Variants in GORAB observed in about 807,000 individuals in gnomAD.
The protein encoded by GORAB is RAB6-interacting golgin.
Under a neutral mutation model 29.9 loss-of-function variants are expected in GORAB, and 17 were observed. That is an observed-to-expected ratio of 0.57 (90% confidence interval 0.39 to 0.85). The LOEUF (loss-of-function observed/expected upper bound fraction) is 0.85. GORAB is among the 40% of genes least tolerant of loss of function. The probability of loss-of-function intolerance (pLI) is 0.00; values close to 1 mark genes in which losing one functional copy is unlikely to be tolerated. For synonymous variants in GORAB, 183 were observed against 157.2 expected, an observed-to-expected ratio of 1.16 and a Z score of -1.23; for missense variants, 442 against 437.8, an observed-to-expected ratio of 1.01 and a Z score of -0.09.
At position 170,539,349 on chromosome 1, in the gene GORAB, A is replaced by T. The variant is rs1036122529; in HGVS notation, c.201A>T (p.Ser67=). ...CATTACTTCCAGAGCAGCTGCTTTC[A>T]GCACCAAAACAGAGAGTTAACGTTC... ...STSLLPEQLL[S]APKQRVNVQK... is the part of the protein sequence containing the mutation. The change falls in exon 2 of 5, where the codon TCA becomes TCT. Residue 67 remains serine (S), a synonymous_variant. Coordinates refer to ENST00000367763, the MANE Select transcript of GORAB (RefSeq NM_152281.3). 4 of 1,614,192 alleles carry T rather than the reference A, an allele frequency of 2.5e-6. No individual in the cohort carries two copies. The African/African-American group carries it at 4.0e-5, about 16-fold the overall frequency.
intron 4 of GORAB, among the ~76,000 whole-genome samples, chr1:170,550,918 G>T (rs1033774843): frequency 2.0e-5 from 3 of 152,136 alleles, no homozygotes; most frequent in Non-Finnish European, 1.5e-5. Context: ...ATTAAGACAC[G>T]ATAACTCTTC....
In GORAB at chr1:170,553,343, A is replaced by G. The variant is rs1256518323; in HGVS notation, c.*881A>G. ...GTCATGAAGCGTTTAAATTGTTAAAATGCTGATTTTCTTATTAGTTTGTTA... is the reference window on the plus strand; with the variant it reads ...GTCATGAAGCGTTTAAATTGTTAAAGTGCTGATTTTCTTATTAGTTTGTTA... On this transcript the variant is annotated 3_prime_UTR_variant, in exon 5 of 5. Transcript: ENST00000367763. The G allele has an allele frequency of 4.4e-6, 2 of 452,864 alleles. No individual in the cohort carries two copies. Among genetic ancestry groups the G allele is most frequent in the Non-Finnish European group, 8.8e-6 (2 of 226,432 alleles). The allele number at this position is 452,864 out of a possible 1,614,324, so 28.1% of individuals were successfully genotyped here.
chr1:170,542,771 T>A (rs923530279), intron 3 of GORAB, among the ~76,000 whole-genome samples, 179 bp downstream of exon 3: 1 of 152,230 alleles, frequency 6.6e-6, no homozygotes. Flanking sequence ...TATAATTTAT[T>A]AAAGAGAACT....
At chr1:170,535,552 A>AT (rs1315697601) in intron 1 of GORAB, among the ~76,000 whole-genome samples, 1 of 151,940 alleles carries the variant, frequency 6.6e-6, no homozygotes, top group African/African-American at 2.4e-5. Context: ...AAAGTATTTT[A>AT]TTTTTTGAGA....
chr1:170,539,782 C>T (rs539442370), intron 2 of GORAB: 1 of 557,862 alleles, frequency 1.8e-6, no homozygotes, highest in East Asian at 3.2e-5. Flanking sequence ...CTTTAGTCTT[C>T]ATAACAGCCT....
chr1:170,549,754 A>G (rs1009950555), intron 4 of GORAB, among the ~76,000 whole-genome samples: 1 of 152,200 alleles, frequency 6.6e-6, no homozygotes, highest in African/African-American at 2.4e-5. Context: ...GGGTGCTCTC[A>G]TTTTTACATT....
rs1309563472 is a variant in GORAB, at chr1:170,553,007, T to A, written c.*545T>A. 1 of 453,400 alleles carries A rather than the reference T, an allele frequency of 2.2e-6. No homozygotes were observed. The highest frequency in any genetic ancestry group is 4.4e-6 in the Non-Finnish European group (1 of 226,616). 28.1% of individuals were successfully genotyped at this position (453,400 alleles called of 1,614,324 possible). A position where few individuals can be genotyped will look rare whatever the true frequency, so the allele number is the denominator to read the frequency against. On this transcript the variant is annotated 3_prime_UTR_variant, in exon 5 of 5. Transcript: ENST00000367763. ...CACAACTTGGAAACTGGAATTTATGTGAAGAACCAAACAACTTAAACCAGC... is the reference window on the plus strand; with the variant it reads ...CACAACTTGGAAACTGGAATTTATGAGAAGAACCAAACAACTTAAACCAGC...
At position 170,552,585 on chromosome 1, in the gene GORAB, T is replaced by G. The variant is rs765788571; in HGVS notation, c.*123T>G. ...TGCTGATTTTTGAATTCATGATTAG[T>G]TTTAGTAAATTAATAGGTTTGGCCA... is the stretch of plus-strand genomic sequence containing the variant. On this transcript the variant is annotated 3_prime_UTR_variant, in exon 5 of 5. Coordinates refer to ENST00000367763, the MANE Select transcript of GORAB (RefSeq NM_152281.3). 16 of 855,260 alleles carry G rather than the reference T, an allele frequency of 1.9e-5. No individual in the cohort carries two copies. The highest frequency in any genetic ancestry group is 2.9e-5 in the Non-Finnish European group (15 of 514,752). The allele number at this position is 855,260 out of a possible 1,614,324, so 53.0% of individuals were successfully genotyped here.
intron 1 of GORAB, chr1:170,532,768 G>T (rs1648782409): frequency 1.1e-5 from 2 of 186,804 alleles, no homozygotes; most frequent in Non-Finnish European, 2.3e-5. Context: ...AATTCATCTG[G>T]AGTGTTGCAT....
At position 170,539,231 on chromosome 1, in the gene GORAB, G is replaced by A. The variant is rs144383104; in HGVS notation, c.83G>A (p.Arg28His). ...ATAGATCCATTTGAACCACAGCGAC[G>A]TCTCCCCGCGAAGAAAAGTCGACAA... ...QTKDPFEPQR[R>H]LPAKKSRQQL... is the part of the protein sequence containing the mutation. The change falls in exon 2 of 5, where the codon CGT becomes CAT. Residue 28 changes from arginine to histidine, a missense_variant. Arg to His is a conservative substitution (Grantham distance 29). Transcript: ENST00000367763. The A allele has an allele frequency of 1.0e-4, 164 of 1,614,002 alleles. 3 individuals are homozygous for A. In the East Asian group the frequency reaches 1.2e-3, roughly 12 times the overall value.
At chr1:170,543,055 G>A (rs909409361) in intron 3 of GORAB, among the ~76,000 whole-genome samples, 7 of 152,114 alleles carry the variant, frequency 4.6e-5, no homozygotes, top group African/African-American at 1.2e-4. Flanking sequence ...AATTTGCCCC[G>A]CCTCCACAAG....
At chr1:170,537,412 T>TTG (rs1292421523) in intron 1 of GORAB, among the ~76,000 whole-genome samples, 11 of 152,186 alleles carry the variant, frequency 7.2e-5, no homozygotes, top group African/African-American at 2.4e-4. Flanking sequence ...ACAGTCAGCC[T>TTG]AGAGCCTTGA....
chr1:170,545,732 T>G (rs935468559), intron 4 of GORAB: 3 of 985,096 alleles, frequency 3.0e-6, no homozygotes, highest in Non-Finnish European at 3.6e-6. Context: ...ATATAACAAT[T>G]TATTAAAGCG....
intron 1 of GORAB, 28 bp downstream of exon 1, chr1:170,532,312 A>G: frequency 6.2e-7 from 1 of 1,612,402 alleles, no homozygotes; most frequent in South Asian, 1.1e-5. Flanking sequence ...CAGTGGTTTA[A>G]TTCTTGGGTC....
chr1:170,553,647 G>T lies in GORAB; in HGVS notation c.*1185G>T, dbSNP rs1471297538. ...GTTTGTTTGAGGGTATTATCTTCTG[G>T]TAATATAGATGAGCTTTATATTTTT... is the stretch of plus-strand genomic sequence containing the variant. On this transcript the variant is annotated 3_prime_UTR_variant, in exon 5 of 5. Coordinates refer to ENST00000367763, the MANE Select transcript of GORAB (RefSeq NM_152281.3). The T allele has an allele frequency of 1.8e-5, 8 of 451,984 alleles. No homozygotes were observed. The highest frequency in any genetic ancestry group is 3.5e-5 in the Non-Finnish European group (8 of 226,332). The allele number at this position is 451,984 out of a possible 1,614,324, so 28.0% of individuals were successfully genotyped here.
At chr1:170,545,318 T>C in intron 4 of GORAB, 1 of 976,122 alleles carries the variant, frequency 1.0e-6, no homozygotes. Context: ...GTTTAGTTTT[T>C]AAAAGCTTAT....
rs560891003 is a variant in GORAB, at chr1:170,539,703, T to C, written c.419+136T>C. 4.1e-5 allele frequency: 38 copies of C among 930,792 alleles called. 1 individual carries two copies. The South Asian group carries it at 6.3e-4, about 15-fold the overall frequency. The allele number at this position is 930,792 out of a possible 1,614,324, so 57.7% of individuals were successfully genotyped here. A position where few individuals can be genotyped will look rare whatever the true frequency, so the allele number is the denominator to read the frequency against. ...TTCATTCAATCATAGGAATGTGATG[T>C]ATAAACTATTGAAAAATAGCTACTG... On this transcript the variant is annotated intron_variant, in intron 2 of 4. Coordinates refer to ENST00000367763, the MANE Select transcript of GORAB (RefSeq NM_152281.3).
In GORAB at chr1:170,539,428, C is replaced by T. The variant is rs764152549; in HGVS notation, c.280C>T (p.Pro94Ser). Residue 94 changes from proline to serine, a missense_variant, in exon 2 of 5, where the codon CCC becomes TCC. By Grantham distance (74) the Pro-to-Ser change is moderately conservative. Transcript: ENST00000367763. ...TLPSHFTLTS[P>S]VGDGQPQGIE... is the part of the protein sequence containing the mutation. ...TCCGAGTCATTTCACTCTCACCTCCCCCGTTGGTGATGGACAACCACAGGG... is the reference window on the plus strand; with the variant it reads ...TCCGAGTCATTTCACTCTCACCTCCTCCGTTGGTGATGGACAACCACAGGG... 9.9e-6 allele frequency: 16 copies of T among 1,613,974 alleles called. No homozygotes were observed. The highest frequency in any genetic ancestry group is 1.4e-5 in the Non-Finnish European group (16 of 1,180,000).
In GORAB at chr1:170,552,540, T is replaced by TA. The variant is rs755326500; in HGVS notation, c.*83dup. 3 of 1,128,020 alleles carry TA rather than the reference T, an allele frequency of 2.7e-6. No individual in the cohort carries two copies. The highest frequency in any genetic ancestry group is 3.0e-5 in the African/African-American group (2 of 65,698). 69.9% of individuals were successfully genotyped at this position (1,128,020 alleles called of 1,614,324 possible). On this transcript the variant is annotated 3_prime_UTR_variant, in exon 5 of 5. Transcript: ENST00000367763. The stretch of plus-strand genomic sequence containing the variant: ...CAGTAGATCATGCCCTGACCTCCAA[T>TA]AAAAACCTCTTTAAAACAATGCTGA...
Sources: gnomAD v4.1 joint callset for allele counts (sites outside exome capture counted in the v4.1 genomes callset) on GRCh38, gnomAD v4.1.1 for gene constraint, MANE v1.5 for transcripts, NCBI Gene and HGNC (gene_info 2026-07-23, HGNC 2026-07-21) for gene names.